SLC1A2: variants seen among roughly 807,000 people sequenced by gnomAD.
SLC1A2 encodes the protein excitatory amino acid transporter 2.
Under a neutral mutation model 48.8 loss-of-function variants are expected in SLC1A2, and 15 were observed. That is an observed-to-expected ratio of 0.31 (90% CI 0.21 to 0.47). The LOEUF (loss-of-function observed/expected upper bound fraction) is 0.47, where lower values mean the gene tolerates loss of function less well. Among genes scored for constraint, SLC1A2 ranks in the 20% least tolerant of loss-of-function variants. The probability of loss-of-function intolerance (pLI) is 0.99; values close to 1 mark genes in which losing one functional copy is unlikely to be tolerated. For synonymous variants in SLC1A2, 279 were observed against 272.6 expected (o/e 1.02, Z -0.23); for missense variants, 502 against 730.5 (o/e 0.69, Z 3.61).
At chr11:35,336,886 G>A (rs1323065929) in intron 1 of SLC1A2, among the ~76,000 whole-genome samples, 1 of 151,410 alleles carries the variant, frequency 6.6e-6, no homozygotes, top group East Asian at 1.9e-4. Context: ...CTGACCCTTG[G>A]CCTAGAACAG....
At chr11:35,307,287 A>C (rs1036348870) in intron 4 of SLC1A2, 1 of 152,210 alleles carries the variant, frequency 6.6e-6, no homozygotes, top group African/African-American at 2.4e-5. Context: ...CCATGGCAGG[A>C]GCATTTGCTT....
Position 35,419,182 on chromosome 11 carries a change from C to A in SLC1A2, c.-216G>T. On this transcript the variant is annotated 5_prime_UTR_variant, in exon 1 of 11. Coordinates refer to ENST00000278379, the MANE Select transcript of SLC1A2 (RefSeq NM_004171.4). This position sits in a 1 kb window ranked among gnomAD's most constrained non-coding sequence, Gnocchi z 5.4. The stretch of plus-strand genomic sequence containing the variant: ...ATCCGCGTCCCGGCTCTCCACGGCG[C>A]GCGACCCGCGCTCCCCTCCGCCCGC... 1 of 456,390 alleles carries A rather than the reference C, an allele frequency of 2.2e-6. No homozygotes were observed. The highest frequency in any genetic ancestry group is 3.9e-6 in the Non-Finnish European group (1 of 259,216). 28.3% of individuals were successfully genotyped at this position (456,390 alleles called of 1,614,324 possible). A position where few individuals can be genotyped will look rare whatever the true frequency, so the allele number is the denominator to read the frequency against.
intron 1 of SLC1A2, among the ~76,000 whole-genome samples, chr11:35,324,358 T>C (rs186238392): frequency 1.4e-3 from 216 of 152,344 alleles, no homozygotes; most frequent in Non-Finnish European, 2.3e-3. Context: ...TACATGGCCA[T>C]TGATTCTTGG....
chr11:35,418,900 C>A (rs1341432710), intron 1 of SLC1A2, 50 bp downstream of exon 1: 1 of 1,533,686 alleles, frequency 6.5e-7, no homozygotes, highest in East Asian at 2.5e-5. Flanking sequence ...GGCGCCACCA[C>A]CCCGCGCGTG....
chr11:35,401,164 A>G (rs1312141881), intron 1 of SLC1A2, among the ~76,000 whole-genome samples: 1 of 152,212 alleles, frequency 6.6e-6, no homozygotes, highest in Non-Finnish European at 1.5e-5. Context: ...TTAAGTCTCC[A>G]GGTAGCAGGC....
intron 1 of SLC1A2, among the ~76,000 whole-genome samples, chr11:35,365,807 C>T (rs191734120): frequency 2.5e-4 from 38 of 152,262 alleles, no homozygotes; most frequent in African/African-American, 8.9e-4. Context: ...ATTTCAGTTC[C>T]TTGGGAATTA....
At chr11:35,290,419 G>A (rs1010078042) in intron 7 of SLC1A2, among the ~76,000 whole-genome samples, 37 of 152,152 alleles carry the variant, frequency 2.4e-4, no homozygotes, top group Admixed American at 2.1e-3. Flanking sequence ...TTTATGATAC[G>A]TTGACCAGTA....
intron 1 of SLC1A2, among the ~76,000 whole-genome samples, chr11:35,379,617 C>A (rs1193589758): frequency 6.6e-6 from 1 of 152,200 alleles, no homozygotes; most frequent in Non-Finnish European, 1.5e-5. Flanking sequence ...GACATTTGAT[C>A]GCCTTTCCCA....
chr11:35,272,945 C>T (rs1038233676), intron 9 of SLC1A2, among the ~76,000 whole-genome samples: 3 of 152,166 alleles, frequency 2.0e-5, no homozygotes, highest in Admixed American at 2.0e-4. Flanking sequence ...TACTCTCTCT[C>T]ATCTTCATCT....
At chr11:35,333,250 T>TAA (rs567978753) in intron 1 of SLC1A2, among the ~76,000 whole-genome samples, 3 of 150,150 alleles carry the variant, frequency 2.0e-5, no homozygotes, top group African/African-American at 7.3e-5. Context: ...CCATCTCTAC[T>TAA]AAAAAAAAAT....
At chr11:35,261,640 C>A in intron 10 of SLC1A2, 2 of 398,560 alleles carry the variant, frequency 5.0e-6, no homozygotes, top group South Asian at 2.6e-4. Context: ...AGGTTTTCCC[C>A]TCCACTTCTA....
At chr11:35,308,211 G>C (rs920547767) in intron 4 of SLC1A2, among the ~76,000 whole-genome samples, 4 of 152,222 alleles carry the variant, frequency 2.6e-5, no homozygotes, top group Non-Finnish European at 5.9e-5. Flanking sequence ...TAGGTCAACA[G>C]TAGCCCTTCG....
At chr11:35,356,012 G>A (rs910764415) in intron 1 of SLC1A2, among the ~76,000 whole-genome samples, 3 of 152,166 alleles carry the variant, frequency 2.0e-5, no homozygotes, top group African/African-American at 7.2e-5. Context: ...TTACAGAGCT[G>A]TTTCTCTTTA....
At chr11:35,352,203 G>T (rs1263397163) in intron 1 of SLC1A2, 1 of 152,166 alleles carries the variant, frequency 6.6e-6, no homozygotes, top group Non-Finnish European at 1.5e-5. Context: ...AAGAAACTTT[G>T]TTGGCACATG....
At chr11:35,350,437 G>C (rs1274895771) in intron 1 of SLC1A2, among the ~76,000 whole-genome samples, 1 of 152,122 alleles carries the variant, frequency 6.6e-6, no homozygotes, top group Non-Finnish European at 1.5e-5. Context: ...AACCCCAAAA[G>C]GTACAAATGT....
chr11:35,390,651 TA>T (rs1245307129), intron 1 of SLC1A2: 1 of 151,312 alleles, frequency 6.6e-6, no homozygotes, highest in South Asian at 2.1e-4. Flanking sequence ...TTGAGGTAAG[TA>T]AAATCTATTC....
At chr11:35,275,418 T>A (rs1850412525) in intron 9 of SLC1A2, among the ~76,000 whole-genome samples, 1 of 151,406 alleles carries the variant, frequency 6.6e-6, no homozygotes, top group Non-Finnish European at 1.5e-5. Context: ...CCATCCTGCC[T>A]CCTTCAGAGA....
At chr11:35,349,587 G>A (rs1471113276) in intron 1 of SLC1A2, among the ~76,000 whole-genome samples, 5 of 152,128 alleles carry the variant, frequency 3.3e-5, no homozygotes, top group Non-Finnish European at 5.9e-5. Context: ...CAGTCCTTTC[G>A]CTGCAGCTAG....
intron 1 of SLC1A2, among the ~76,000 whole-genome samples, chr11:35,325,120 T>C (rs1852197012): frequency 6.6e-6 from 1 of 152,226 alleles, no homozygotes; most frequent in Non-Finnish European, 1.5e-5. Flanking sequence ...TCATGTGGCA[T>C]GCACTCTGGG....
Sources: allele counts gnomAD v4.1 joint callset (sites outside exome capture counted in the v4.1 genomes callset), GRCh38; gene constraint gnomAD v4.1.1; non-coding constraint Gnocchi (gnomAD v3.1); transcripts MANE v1.5; gene names NCBI Gene and HGNC (gene_info 2026-07-23, HGNC 2026-07-21).